KIF2A: variants seen among roughly 807,000 people sequenced by gnomAD.
KIF2A encodes kinesin family member 2A, also known as kinesin-like protein KIF2A.
A neutral mutation model predicts 100.2 loss-of-function variants in KIF2A; 22 were observed. That is an observed-to-expected ratio of 0.22 (90% CI 0.16 to 0.31). KIF2A has a LOEUF of 0.31. KIF2A is among the 10% of genes least tolerant of loss of function. The pLI is 1.00. For synonymous variants in KIF2A, 268 were observed against 285.9 expected, an observed-to-expected ratio of 0.94 and a Z score of 0.63; for missense variants, 495 against 898.7, an observed-to-expected ratio of 0.55 and a Z score of 5.74.
intron 1 of KIF2A, among the ~76,000 whole-genome samples, chr5:62,339,752 AAAT>A (rs1237865082): frequency 1.3e-5 from 2 of 151,010 alleles, no homozygotes; most frequent in Non-Finnish European, 2.9e-5. Flanking sequence ...GAATTGCAAA[AAAT>A]AGTATTGAGC....
chr5:62,323,254 CAAA>C (rs147491794), intron 1 of KIF2A, among the ~76,000 whole-genome samples: 1 of 117,524 alleles, frequency 8.5e-6, no homozygotes, highest in Non-Finnish European at 1.8e-5. Flanking sequence ...AACTCCATCT[CAAA>C]AAAAAAAAAA....
At chr5:62,353,475 T>C in intron 6 of KIF2A, 100 bp downstream of exon 6, 2 of 511,386 alleles carry the variant, frequency 3.9e-6, no homozygotes. Flanking sequence ...GGCATTTTTT[T>C]TGAAGAATTT....
At chr5:62,322,467 C>A (rs534871805) in intron 1 of KIF2A, among the ~76,000 whole-genome samples, 1 of 152,200 alleles carries the variant, frequency 6.6e-6, no homozygotes, top group Non-Finnish European at 1.5e-5. Flanking sequence ...TGAGACCTAC[C>A]TTTATGTCCT....
In KIF2A at chr5:62,389,800, A is replaced by G. The variant is rs189548233; in HGVS notation, c.*4231A>G. 6.6e-6 allele frequency among the ~76,000 whole-genome samples: 1 copy of G among 152,312 alleles called. No homozygotes were observed. The highest frequency in any genetic ancestry group is 1.5e-5 in the Non-Finnish European group (1 of 68,030). ...TGTTTCTCTCTGTAGATACCTATGT[A>G]CTTAATAGATTCTAGTTAGTAAACT... On this transcript the variant is annotated 3_prime_UTR_variant, in exon 21 of 21. Coordinates refer to ENST00000407818, the MANE Select transcript of KIF2A (RefSeq NM_001098511.3).
chr5:62,365,338 C>T lies in KIF2A; in HGVS notation c.1563C>T (p.Asn521=). ...QVLRDSFIGE[N]SRTCMIATIS... Reference sequence around the variant, plus strand: ...TAAGAGATTCTTTCATAGGTGAAAACTCTCGTACCTGCATGGTAAGTTTAT... The same window carrying T: ...TAAGAGATTCTTTCATAGGTGAAAATTCTCGTACCTGCATGGTAAGTTTAT... Residue 521 remains asparagine, a synonymous_variant, in exon 15 of 21, where the codon AAC becomes AAT. Coordinates refer to ENST00000407818, the MANE Select transcript of KIF2A (RefSeq NM_001098511.3). 7 of 1,553,826 alleles carry T rather than the reference C, an allele frequency of 4.5e-6. No homozygotes were observed. The highest frequency in any genetic ancestry group is 6.2e-6 in the Non-Finnish European group (7 of 1,132,164).
At chr5:62,375,213 G>T (rs566288935) in intron 18 of KIF2A, among the ~76,000 whole-genome samples, 1 of 152,104 alleles carries the variant, frequency 6.6e-6, no homozygotes, top group African/African-American at 2.4e-5. Context: ...GTATTGAGAG[G>T]GTTCTTTTCT....
intron 19 of KIF2A, 67 bp downstream of exon 19, chr5:62,377,829 T>A: frequency 2.2e-6 from 2 of 889,146 alleles, no homozygotes; most frequent in East Asian, 2.7e-5. Context: ...TCATAATTCC[T>A]TAAATATCAC....
rs1561283120 is a variant in KIF2A at position 62,381,181 on chromosome 5, G to A, written c.2077G>A (p.Asp693Asn). The stretch of plus-strand genomic sequence containing the variant: ...AGAGATGACTGAAGAAGTAGATTAT[G>A]ATGTCGATTCATATGCTACACAACT... ...LLEMTEEVDY[D>N]VDSYATQLEA... Residue 693 changes from aspartate (D) to asparagine (N), a missense_variant, in exon 20 of 21, where the codon GAT becomes AAT. Physicochemically the swap from Asp to Asn is conservative, Grantham distance 23. Around this residue, in one of 10 missense-constraint regions of KIF2A, gnomAD observed 58 missense variants for 94.8 expected, o/e 0.61. Coordinates refer to ENST00000407818, the MANE Select transcript of KIF2A (RefSeq NM_001098511.3). 6.2e-7 allele frequency: 1 copy of A among 1,608,308 alleles called. No homozygotes were observed. Among genetic ancestry groups the A allele is most frequent in the Admixed American group, 1.7e-5 (1 of 60,020 alleles).
chr5:62,348,537 T>G (rs1747688119), intron 3 of KIF2A, among the ~76,000 whole-genome samples: 1 of 152,166 alleles, frequency 6.6e-6, no homozygotes, highest in African/African-American at 2.4e-5. Context: ...TGATAGTCTT[T>G]TGAAAGTATA....
chr5:62,339,512 G>A (rs1747162758), intron 1 of KIF2A, among the ~76,000 whole-genome samples: 1 of 67,960 alleles, frequency 1.5e-5, no homozygotes, highest in South Asian at 3.9e-4. Context: ...TATATATGTG[G>A]ACTCAATTAT....
At chr5:62,310,666 T>G (rs182547220) in intron 1 of KIF2A, among the ~76,000 whole-genome samples, 133 of 152,306 alleles carry the variant, frequency 8.7e-4, no homozygotes, top group African/African-American at 3.2e-3. Context: ...TTTTCTGGTT[T>G]TCTAAGGTTA....
rs1008506359 is a variant in KIF2A at position 62,390,866 on chromosome 5, A to C, written c.*5297A>C. On this transcript the variant is annotated 3_prime_UTR_variant, in exon 21 of 21. Coordinates refer to ENST00000407818, the MANE Select transcript of KIF2A (RefSeq NM_001098511.3). ...AATGTAAACACTTAGGAAAACAAAA[A>C]TGTAATTACCTGATGAAGTCATCTA... The C allele has an allele frequency of 6.2e-7, 1 of 1,608,432 alleles. No homozygotes were observed.
intron 5 of KIF2A, 88 bp downstream of exon 5, chr5:62,352,798 C>A: frequency 1.0e-6 from 1 of 1,001,112 alleles, no homozygotes; most frequent in Non-Finnish European, 1.4e-6. Flanking sequence ...AAAGAGTAAA[C>A]ACTCTAAATA....
In KIF2A at chr5:62,306,247, C is replaced by T. The variant is rs1036095413; in HGVS notation, c.-226C>T. On this transcript the variant is annotated 5_prime_UTR_variant, in exon 1 of 21. Transcript: ENST00000407818. ...TCTCACGGCCCCGGCCCTAGCTTCA[C>T]CCCGACTACCCGGCGTGCGCGTCCT... 3 of 523,592 alleles carry T rather than the reference C, an allele frequency of 5.7e-6. No homozygotes were observed. The highest frequency in any genetic ancestry group is 2.4e-5 in the South Asian group (1 of 41,398). 32.4% of individuals were successfully genotyped at this position (523,592 alleles called of 1,614,324 possible).
intron 16 of KIF2A, among the ~76,000 whole-genome samples, chr5:62,368,395 AT>A (rs1561277293): frequency 6.6e-6 from 1 of 151,554 alleles, no homozygotes; most frequent in African/African-American, 2.4e-5. Context: ...TTCTAAAGGG[AT>A]TTTCTTAATG....
At chr5:62,355,943 G>A (rs1475278912) in intron 7 of KIF2A, among the ~76,000 whole-genome samples, 5 of 140,968 alleles carry the variant, frequency 3.5e-5, no homozygotes, top group South Asian at 2.2e-4. Flanking sequence ...CACCACGCCC[G>A]GCTAATTTTT....
chr5:62,353,316 C>A lies in KIF2A; in HGVS notation c.499C>A (p.Gln167Lys). ...SNCVKEVEKL[Q>K]EKREKRRLQQ... ...TTGTGTGAAAGAAGTAGAAAAACTG[C>A]AAGAAAAACGAGAGAAAAGGAGATT... is the stretch of plus-strand genomic sequence containing the variant. The change falls in exon 6 of 21, where the codon CAA becomes AAA. Residue 167 changes from glutamine (Q) to lysine (K), a missense_variant. Coordinates refer to ENST00000407818, the MANE Select transcript of KIF2A (RefSeq NM_001098511.3). 6.3e-7 allele frequency: 1 copy of A among 1,581,938 alleles called. No individual in the cohort carries two copies. The highest frequency in any genetic ancestry group is 8.6e-7 in the Non-Finnish European group (1 of 1,167,782).
In KIF2A at chr5:62,389,186, T is replaced by C. The variant is rs1008841790; in HGVS notation, c.*3617T>C. On this transcript the variant is annotated 3_prime_UTR_variant, in exon 21 of 21. Transcript: ENST00000407818. ...GAGCCCACCCACTCCTAATACTAGT[T>C]ATTAAAGAAACGTTACTGGCTGGGC... The C allele has an allele frequency of 1.1e-5, 8 of 723,780 alleles. 1 individual carries two copies. The highest frequency in any genetic ancestry group is 1.0e-4 in the Admixed American group (3 of 29,936). 44.8% of individuals were successfully genotyped at this position (723,780 alleles called of 1,614,324 possible). A position where few individuals can be genotyped will look rare whatever the true frequency, so the allele number is the denominator to read the frequency against.
intron 1 of KIF2A, among the ~76,000 whole-genome samples, chr5:62,343,520 T>C (rs1251879149): frequency 6.6e-6 from 1 of 152,168 alleles, no homozygotes; most frequent in East Asian, 1.9e-4. Flanking sequence ...TAGGGCTTTG[T>C]TGTAAGTCAT....
Sources: gnomAD v4.1 joint callset for allele counts (sites outside exome capture counted in the v4.1 genomes callset) on GRCh38, gnomAD v4.1.1 for gene constraint, gnomAD v4.1.1 regional missense constraint, MANE v1.5 for transcripts, NCBI Gene and HGNC (gene_info 2026-07-23, HGNC 2026-07-21) for gene names.